TANGO6: variants seen among roughly 807,000 people sequenced by gnomAD.
TANGO6 encodes transport and Golgi organization protein 6 homolog.
A neutral mutation model predicts 114.2 loss-of-function variants in TANGO6; 90 were observed. That is an observed-to-expected ratio of 0.79 (90% CI 0.66 to 0.94). The LOEUF (loss-of-function observed/expected upper bound fraction) is 0.94, where lower values mean the gene tolerates loss of function less well. Among genes scored for constraint, TANGO6 ranks in the 40% least tolerant of loss-of-function variants. The pLI, the probability that TANGO6 is intolerant of heterozygous loss-of-function variation, is 0.00. For synonymous variants in TANGO6, 477 were observed against 509.8 expected, an observed-to-expected ratio of 0.94 and a Z score of 0.87; for missense variants, 1,274 against 1,315.3, an observed-to-expected ratio of 0.97 and a Z score of 0.49.
intron 17 of TANGO6, among the ~76,000 whole-genome samples, chr16:69,071,060 C>A (rs751413701): frequency 2.0e-5 from 3 of 152,148 alleles, no homozygotes; most frequent in Non-Finnish European, 4.4e-5. Context: ...GTGTGAGCCA[C>A]CATAAAATTA....
At chr16:68,986,271 G>A (rs989604813) in intron 15 of TANGO6, among the ~76,000 whole-genome samples, 7 of 152,248 alleles carry the variant, frequency 4.6e-5, no homozygotes, top group African/African-American at 1.7e-4. Flanking sequence ...TTCATATTTT[G>A]AATGAGGACT....
chr16:69,080,813 C>T (rs1365476886), intron 17 of TANGO6, among the ~76,000 whole-genome samples: 2 of 152,148 alleles, frequency 1.3e-5, no homozygotes, highest in African/African-American at 4.8e-5. Context: ...CCCTCTAACC[C>T]TCTGTTTCTG....
intron 7 of TANGO6, among the ~76,000 whole-genome samples, chr16:68,893,517 C>A (rs1360026065): frequency 6.6e-6 from 1 of 151,868 alleles, no homozygotes. Flanking sequence ...GGCTGGCGGA[C>A]CACTTGAGAT....
At chr16:68,947,272 A>G (rs577216640) in intron 14 of TANGO6, among the ~76,000 whole-genome samples, 3 of 152,078 alleles carry the variant, frequency 2.0e-5, no homozygotes, top group Non-Finnish European at 2.9e-5. Flanking sequence ...CCTGGCCAAC[A>G]TGGTGAAACC....
chr16:68,879,651 C>T (rs1200894520), intron 6 of TANGO6, among the ~76,000 whole-genome samples: 1 of 147,406 alleles, frequency 6.8e-6, no homozygotes, highest in Non-Finnish European at 1.5e-5. Flanking sequence ...GAGTCTCACT[C>T]TGTCACCCAG....
intron 16 of TANGO6, among the ~76,000 whole-genome samples, chr16:69,027,242 A>C (rs1043850281): frequency 7.9e-5 from 12 of 152,160 alleles, no homozygotes; most frequent in Non-Finnish European, 1.6e-4. Context: ...GTATGCATAC[A>C]CTTGAATTTA....
chr16:69,065,023 C>T lies in TANGO6; in HGVS notation c.3109-18462C>T, dbSNP rs141667123. 4.6e-3 allele frequency among the ~76,000 whole-genome samples: 703 copies of T among 152,338 alleles called. 5 individuals carry two copies. Among genetic ancestry groups the T allele is most frequent in the African/African-American group, 0.016 (656 of 41,566 alleles). On this transcript the variant is annotated intron_variant, in intron 17 of 17. Coordinates refer to ENST00000261778, the MANE Select transcript of TANGO6 (RefSeq NM_024562.2). ...GGTTGTACTCACCCTCTCAGGACAA[C>T]ACTCCCAATCTCTTTTCTCGTAAGC...
rs35949784 is a variant in TANGO6, at chr16:68,968,873, G to T, written c.2702-5155G>T. Among the ~76,000 whole-genome samples the T allele has an allele frequency of 5.7e-3, 804 of 142,126 alleles. 22 individuals are homozygous for T. The East Asian group carries it at 0.077, about 14-fold the overall frequency. The allele number at this position is 142,126 out of a possible 152,430, so 93.2% of individuals were successfully genotyped here. ...TTTTAGTAGAAACGGGGTTTCACTGGGTTAGCCAGGATGGTCTCGATCTCC... is the reference window on the plus strand; with the variant it reads ...TTTTAGTAGAAACGGGGTTTCACTGTGTTAGCCAGGATGGTCTCGATCTCC... On this transcript the variant is annotated intron_variant, in intron 14 of 17. Transcript: ENST00000261778.
intron 17 of TANGO6, among the ~76,000 whole-genome samples, chr16:69,049,544 G>T (rs905129468): frequency 6.6e-6 from 1 of 150,500 alleles, no homozygotes; most frequent in Admixed American, 6.6e-5. Context: ...CAATTCTCCT[G>T]CCTCAGCCTC....
chr16:68,941,615 G>A (rs558889030), intron 14 of TANGO6, among the ~76,000 whole-genome samples: 2 of 152,088 alleles, frequency 1.3e-5, no homozygotes, highest in East Asian at 3.9e-4. Flanking sequence ...GCACAGTGGT[G>A]CATTCCTGTA....
intron 17 of TANGO6, among the ~76,000 whole-genome samples, chr16:69,064,560 A>G (rs1055067839): frequency 2.6e-4 from 39 of 152,212 alleles, no homozygotes; most frequent in Admixed American, 2.2e-3. Context: ...CAGGAGGAAG[A>G]TCAAATTCTC....
At chr16:68,958,633 C>G (rs190665754) in intron 14 of TANGO6, among the ~76,000 whole-genome samples, 1 of 152,194 alleles carries the variant, frequency 6.6e-6, no homozygotes, top group East Asian at 1.9e-4. Context: ...GGCTTTCCCT[C>G]TATTTACAGA....
intron 16 of TANGO6, among the ~76,000 whole-genome samples, chr16:69,036,635 T>C (rs916830465): frequency 4.6e-5 from 7 of 152,120 alleles, no homozygotes. Flanking sequence ...AGCTCCTCTC[T>C]CAGTCATACC....
At chr16:68,962,929 GA>G (rs764209359) in intron 14 of TANGO6, among the ~76,000 whole-genome samples, 2,311 of 128,206 alleles carry the variant, frequency 0.018, 47 homozygotes, top group African/African-American at 0.051. Flanking sequence ...CTCAAAATAT[GA>G]AAAAAAAAAA....
intron 1 of TANGO6, among the ~76,000 whole-genome samples, chr16:68,854,500 C>T (rs182667615): frequency 4.2e-4 from 64 of 152,118 alleles, no homozygotes; most frequent in African/African-American, 1.2e-3. Context: ...TTGTTGTCTA[C>T]TCTAGGATCA....
At chr16:68,962,661 T>C (rs1011097317) in intron 14 of TANGO6, among the ~76,000 whole-genome samples, 3 of 152,142 alleles carry the variant, frequency 2.0e-5, no homozygotes, top group African/African-American at 7.2e-5. Flanking sequence ...CTCAGGAGGC[T>C]GAGGCAGGAG....
intron 1 of TANGO6, among the ~76,000 whole-genome samples, chr16:68,851,098 A>T (rs1961895840): frequency 6.6e-6 from 1 of 151,966 alleles, no homozygotes; most frequent in Non-Finnish European, 1.5e-5. Context: ...TTTCCTATTC[A>T]TTCCCATTTT....
At chr16:68,937,717 A>T (rs892652328) in intron 14 of TANGO6, 1 of 152,174 alleles carries the variant, frequency 6.6e-6, no homozygotes, top group African/African-American at 2.4e-5. Flanking sequence ...TTATGACTTC[A>T]TTCCTTTTTA....
chr16:68,984,245 A>G (rs1342465230), intron 15 of TANGO6, among the ~76,000 whole-genome samples: 2 of 152,104 alleles, frequency 1.3e-5, no homozygotes, highest in African/African-American at 4.8e-5. Context: ...AGAAATTTTC[A>G]TCAAAACTCA....
Sources: allele counts gnomAD v4.1 joint callset (sites outside exome capture counted in the v4.1 genomes callset), GRCh38; gene constraint gnomAD v4.1.1; transcripts MANE v1.5; gene names NCBI Gene and HGNC (gene_info 2026-07-23, HGNC 2026-07-21).